Variants in ACAN observed in about 807,000 individuals in gnomAD.
ACAN encodes aggrecan core protein.
A neutral mutation model predicts 169.1 loss-of-function variants in ACAN; 47 were observed. That is an observed-to-expected ratio of 0.28 (90% confidence interval 0.22 to 0.35). ACAN has a LOEUF of 0.35. ACAN is among the 10% of genes least tolerant of loss of function. The pLI, the probability that ACAN is intolerant of heterozygous loss-of-function variation, is 1.00. For missense variants in ACAN, 2,716 were observed against 2,759.9 expected (o/e 0.98, Z 0.36); for synonymous variants, 1,115 against 1,112.2 (o/e 1.00, Z -0.05).
At chr15:88,835,523 A>G (rs1045201088) in intron 1 of ACAN, among the ~76,000 whole-genome samples, 3 of 152,246 alleles carry the variant, frequency 2.0e-5, no homozygotes, top group Admixed American at 6.5e-5. Flanking sequence ...AAGCTAGACC[A>G]GGAGACCTGG....
rs916953840 is a variant in ACAN at position 88,854,544 on chromosome 15, A to T, written c.2267-308A>T. On this transcript the variant is annotated intron_variant, in intron 11 of 18. Coordinates refer to ENST00000560601, the MANE Select transcript of ACAN (RefSeq NM_001369268.1). ...GGATGGTGGCCCCCGCATCTCACAC[A>T]AAGTACAACCTGTGTAGCCCATGGC... Among the ~76,000 whole-genome samples, 5 of 152,202 alleles carry T rather than the reference A, an allele frequency of 3.3e-5. 1 individual carries two copies. The East Asian group carries it at 9.6e-4, about 29-fold the overall frequency.
At chr15:88,826,233 G>C (rs976087738) in intron 1 of ACAN, among the ~76,000 whole-genome samples, 1 of 152,150 alleles carries the variant, frequency 6.6e-6, no homozygotes, top group African/African-American at 2.4e-5. Context: ...GTAGGTGCTG[G>C]CTGAGACATA....
At chr15:88,830,739 G>T (rs1296342587) in intron 1 of ACAN, among the ~76,000 whole-genome samples, 1 of 152,232 alleles carries the variant, frequency 6.6e-6, no homozygotes, top group Non-Finnish European at 1.5e-5. Flanking sequence ...CTGGATGGGT[G>T]AGTGACTGAG....
chr15:88,823,586 T>C (rs1189304029), intron 1 of ACAN, among the ~76,000 whole-genome samples: 2 of 152,094 alleles, frequency 1.3e-5, no homozygotes, highest in African/African-American at 2.4e-5. Context: ...CTGATGGTGT[T>C]CAGCCAAATT....
Position 88,874,367 on chromosome 15 carries a change from A to G in ACAN, c.7631-38A>G. 1.3e-6 allele frequency: 2 copies of G among 1,547,744 alleles called. No individual in the cohort carries two copies. Among genetic ancestry groups the G allele is most frequent in the Non-Finnish European group, 1.8e-6 (2 of 1,137,666 alleles). The stretch of plus-strand genomic sequence containing the variant: ...CCTGGGCTCGCCCCACTTTCTTTCC[A>G]GGTCCACTGATATCTTTCCATCTCC... On this transcript the variant is annotated intron_variant, in intron 18 of 18. Transcript: ENST00000560601. This position sits in a 1 kb window ranked among gnomAD's most constrained non-coding sequence, Gnocchi z 7.3.
chr15:88,811,268 G>C (rs1025292663), intron 1 of ACAN, among the ~76,000 whole-genome samples: 2 of 152,194 alleles, frequency 1.3e-5, no homozygotes, highest in African/African-American at 4.8e-5. Flanking sequence ...TTTTCAAACT[G>C]AATTTGACCG....
Position 88,843,553 on chromosome 15 carries a change from G to A in ACAN, c.956G>A (p.Gly319Asp), listed in dbSNP as rs1464364807. ...ATCTCCAAGGCCCGGCCCAACTGCGGTGGCAACCTCCTGGGCGTGAGGACC... is the reference window on the plus strand; with the variant it reads ...ATCTCCAAGGCCCGGCCCAACTGCGATGGCAACCTCCTGGGCGTGAGGACC... ...YPISKARPNCGGNLLGVRTVY... is the reference protein window; with the variant it reads ...YPISKARPNCDGNLLGVRTVY... The change falls in exon 6 of 19, where the codon GGT becomes GAT. Residue 319 changes from glycine to aspartate, a missense_variant. Around this residue, in one of 3 missense-constraint regions of ACAN, gnomAD observed 1,283 missense variants for 1,281.5 expected, o/e 1.00. Transcript: ENST00000560601. The surrounding 1 kb of genome is among the most constrained non-coding windows in gnomAD (Gnocchi z 4.0). The A allele has an allele frequency of 1.2e-6, 2 of 1,612,602 alleles. No individual in the cohort carries two copies. Among genetic ancestry groups the A allele is most frequent in the Non-Finnish European group, 1.7e-6 (2 of 1,179,656 alleles).
In ACAN at chr15:88,851,826, G is replaced by A. The variant is rs1896936050; in HGVS notation, c.2059G>A (p.Glu687Lys). 1 of 1,607,618 alleles carries A rather than the reference G, an allele frequency of 6.2e-7. No individual in the cohort carries two copies. The highest frequency in any genetic ancestry group is 8.5e-7 in the Non-Finnish European group (1 of 1,177,056). ...ISAVPSPGEE[E>K]GGTPTSPSGV... ...AGCGGTTCCTTCTCCAGGAGAAGAA[G>A]AGGGTGGCACACCCACATCACCCTC... Residue 687 changes from glutamate to lysine, a missense_variant, in exon 11 of 19, where the codon GAG becomes AAG. Transcript: ENST00000560601. This position sits in a 1 kb window ranked among gnomAD's most constrained non-coding sequence, Gnocchi z 4.3.
At position 88,851,981 on chromosome 15, in the gene ACAN, C is replaced by G; in HGVS notation, c.2214C>G (p.Asn738Lys). 1 of 1,612,146 alleles carries G rather than the reference C, an allele frequency of 6.2e-7. No individual in the cohort carries two copies. ...TAGAGTTCACCACCGAGCCAGAAAA[C>G]CAGACAGAATGGGAACCAGCCTATA... is the stretch of plus-strand genomic sequence containing the variant. The part of the protein sequence containing the change: ...AILEFTTEPE[N>K]QTEWEPAYTP... The change falls in exon 11 of 19, where the codon AAC becomes AAG. Residue 738 changes from asparagine (N) to lysine (K), a missense_variant. By Grantham distance (94) the Asn-to-Lys change is moderately conservative. This residue lies in a region of ACAN where 1,283 missense variants were observed against 1,281.5 expected (regional missense o/e 1.00). Coordinates refer to ENST00000560601, the MANE Select transcript of ACAN (RefSeq NM_001369268.1). The surrounding 1 kb of genome is among the most constrained non-coding windows in gnomAD (Gnocchi z 4.3).
intron 13 of ACAN, among the ~76,000 whole-genome samples, chr15:88,863,872 AT>A (rs1897241951): frequency 6.6e-6 from 1 of 152,378 alleles, no homozygotes; most frequent in Non-Finnish European, 1.5e-5. Flanking sequence ...CAACTGATTG[AT>A]TTAAGAAGCA....
chr15:88,822,669 G>A (rs1896106492), intron 1 of ACAN, among the ~76,000 whole-genome samples: 1 of 152,032 alleles, frequency 6.6e-6, no homozygotes, highest in South Asian at 2.1e-4. Flanking sequence ...CCTGACCTCA[G>A]GTGATCTGCC....
At position 88,851,889 on chromosome 15, in the gene ACAN, G is replaced by A. The variant is rs35120858; in HGVS notation, c.2122G>A (p.Gly708Ser). 1.3e-3 allele frequency: 2,053 copies of A among 1,612,442 alleles called. 25 individuals carry two copies. The African/African-American group carries it at 0.025, about 20-fold the overall frequency. The change falls in exon 11 of 19, where the codon GGT becomes AGT. Residue 708 changes from glycine to serine, a missense_variant. By Grantham distance (56) the Gly-to-Ser change is moderately conservative. This residue lies in a region of ACAN where 1,283 missense variants were observed against 1,281.5 expected (regional missense o/e 1.00). Coordinates refer to ENST00000560601, the MANE Select transcript of ACAN (RefSeq NM_001369268.1). The surrounding 1 kb of genome is among the most constrained non-coding windows in gnomAD (Gnocchi z 4.3). ...GTGGATCGTGACCCAAGTGGTTCCT[G>A]GTGTGGCTGCTGTCCCCGTAGAAGA... ...EEWIVTQVVPGVAAVPVEEET... is the reference protein window; with the variant it reads ...EEWIVTQVVPSVAAVPVEEET...
chr15:88,812,479 AG>A (rs1426751064), intron 1 of ACAN, among the ~76,000 whole-genome samples: 1 of 152,156 alleles, frequency 6.6e-6, no homozygotes, highest in African/African-American at 2.4e-5. Context: ...CTTGGCCTAC[AG>A]GCCCCCAAGC....
rs373460432 is a variant in ACAN at position 88,859,063 on chromosome 15, G to A, written c.6478G>A (p.Glu2160Lys). The change falls in exon 12 of 19, where the codon GAG becomes AAG. Residue 2160 changes from glutamate (E) to lysine (K), a missense_variant. Physicochemically the swap from Glu to Lys is moderately conservative, Grantham distance 56 (BLOSUM62 1). Coordinates refer to ENST00000560601, the MANE Select transcript of ACAN (RefSeq NM_001369268.1). ...SGSTLTFQEGEASAAPEVSGE... is the reference protein window; with the variant it reads ...SGSTLTFQEGKASAAPEVSGE... ...CAGCACTTTGACATTTCAAGAAGGCGAGGCGTCCGCTGCCCCAGAAGTGAG... is the reference window on the plus strand; with the variant it reads ...CAGCACTTTGACATTTCAAGAAGGCAAGGCGTCCGCTGCCCCAGAAGTGAG... 54 of 1,613,926 alleles carry A rather than the reference G, an allele frequency of 3.3e-5. No homozygotes were observed. The highest frequency in any genetic ancestry group is 5.5e-5 in the South Asian group (5 of 91,078).
At position 88,838,712 on chromosome 15, in the gene ACAN, G is replaced by T. The variant is rs374081272; in HGVS notation, c.120G>T (p.Arg40Ser). Residue 40 changes from arginine (R) to serine (S), a missense_variant, in exon 3 of 19, where the codon AGG becomes AGT. Coordinates refer to ENST00000560601, the MANE Select transcript of ACAN (RefSeq NM_001369268.1). This position sits in a 1 kb window ranked among gnomAD's most constrained non-coding sequence, Gnocchi z 5.1. The part of the protein sequence containing the change: ...SVSIPQPSPL[R>S]VLLGTSLTIP... ...GCATCCCCCAACCGTCCCCGCTGAG[G>T]GTCCTCCTGGGGACCTCCCTCACCA... is the stretch of plus-strand genomic sequence containing the variant. The T allele has an allele frequency of 1.2e-6, 2 of 1,608,958 alleles. No homozygotes were observed.
intron 4 of ACAN, among the ~76,000 whole-genome samples, chr15:88,840,583 G>T (rs184527641): frequency 4.6e-5 from 7 of 152,080 alleles, no homozygotes; most frequent in African/African-American, 1.4e-4. Flanking sequence ...TTCCCTGAGC[G>T]TAGTTGCTGA....
Position 88,872,890 on chromosome 15 carries a change from A to C in ACAN, c.7312A>C (p.Asn2438His), listed in dbSNP as rs1328635807. The C allele has an allele frequency of 1.9e-6, 3 of 1,613,444 alleles. No homozygotes were observed. The South Asian group carries it at 3.3e-5, about 18-fold the overall frequency. Residue 2438 changes from asparagine (N) to histidine (H), a missense_variant, in exon 17 of 19, where the codon AAC becomes CAC. Transcript: ENST00000560601. The surrounding 1 kb of genome is among the most constrained non-coding windows in gnomAD (Gnocchi z 5.4). ...CCACTCCCACCCACAGCAATTTGAG[A>C]ACTGGCGCCCCAACCAGCCTGACAA... ...WSDGHPMQFE[N>H]WRPNQPDNFF...
At chr15:88,833,793 T>A (rs1388177517) in intron 1 of ACAN, among the ~76,000 whole-genome samples, 2 of 131,876 alleles carry the variant, frequency 1.5e-5, no homozygotes, top group Non-Finnish European at 3.1e-5. Context: ...GGGAGAGAAA[T>A]CAAGCCGTCC....
chr15:88,836,094 G>A (rs568730268), intron 1 of ACAN, 106 bp from the exon 2 acceptor site: 6 of 758,162 alleles, frequency 7.9e-6, no homozygotes, highest in Middle Eastern at 3.7e-4. Flanking sequence ...GATGATTCCA[G>A]GTCCTTGGGT....
Sources: gnomAD v4.1 joint callset for allele counts (sites outside exome capture counted in the v4.1 genomes callset) on GRCh38, gnomAD v4.1.1 for gene constraint, gnomAD v4.1.1 regional missense constraint, Gnocchi (gnomAD v3.1) non-coding constraint, MANE v1.5 for transcripts, NCBI Gene and HGNC (gene_info 2026-07-23, HGNC 2026-07-21) for gene names.